The following PPP2R2C variants were observed in gnomAD, a reference collection of about 807,000 sequenced individuals.
PPP2R2C encodes protein phosphatase 2 regulatory subunit Bgamma.
Under a neutral mutation model 45.3 loss-of-function variants are expected in PPP2R2C, and 10 were observed. The ratio of observed to expected loss-of-function variants is 0.22; its 90% CI spans 0.14 to 0.37. The LOEUF is 0.37. Ranked by LOEUF, PPP2R2C falls within the 10% of genes least tolerant of loss-of-function variation. The probability of loss-of-function intolerance (pLI) is 1.00; values close to 1 mark genes in which losing one functional copy is unlikely to be tolerated. For synonymous variants in PPP2R2C, 257 were observed against 245.4 expected (o/e 1.05, Z -0.44); for missense variants, 308 against 619.7 (o/e 0.50, Z 5.34).
intron 1 of PPP2R2C, among the ~76,000 whole-genome samples, chr4:6,429,524 C>T (rs982867013): frequency 6.6e-6 from 1 of 152,124 alleles, no homozygotes; most frequent in Non-Finnish European, 1.5e-5. Flanking sequence ...TGAATGTCAA[C>T]AGTATGGGTT....
chr4:6,556,501 C>T (rs1363379914), intron 1 of PPP2R2C, among the ~76,000 whole-genome samples: 2 of 152,206 alleles, frequency 1.3e-5, no homozygotes, highest in Non-Finnish European at 2.9e-5. Flanking sequence ...GAGCCAATTC[C>T]GTGTGCGTGT....
chr4:6,342,142 A>C (rs935147953), intron 6 of PPP2R2C, among the ~76,000 whole-genome samples: 1 of 151,848 alleles, frequency 6.6e-6, no homozygotes, highest in Non-Finnish European at 1.5e-5. Context: ...ATATATATAC[A>C]TACATATATA....
chr4:6,488,267 G>A (rs548772588), intron 2 of PPP2R2C, among the ~76,000 whole-genome samples: 1 of 152,286 alleles, frequency 6.6e-6, no homozygotes, highest in South Asian at 2.1e-4. Context: ...TTCATTGCAT[G>A]GCTAGTAATT....
intron 1 of PPP2R2C, among the ~76,000 whole-genome samples, chr4:6,552,338 T>C (rs1725210708): frequency 6.6e-6 from 1 of 152,114 alleles, no homozygotes; most frequent in East Asian, 1.9e-4. Context: ...AAAGTCAAGG[T>C]GTGGGCAGGG....
At chr4:6,382,260 G>A in intron 1 of PPP2R2C, 1 of 1,235,340 alleles carries the variant, frequency 8.1e-7, no homozygotes, top group Non-Finnish European at 1.0e-6. Context: ...GCTGTGAATG[G>A]GACCTCTGTC....
intron 2 of PPP2R2C, among the ~76,000 whole-genome samples, chr4:6,519,781 C>G (rs1278160089): frequency 2.6e-5 from 4 of 152,150 alleles, no homozygotes; most frequent in African/African-American, 9.7e-5. Context: ...TGCCAGCAAC[C>G]AAGCCCCTCA....
chr4:6,514,814 C>A (rs1386054151), intron 2 of PPP2R2C, among the ~76,000 whole-genome samples: 1 of 152,212 alleles, frequency 6.6e-6, no homozygotes, highest in East Asian at 1.9e-4. Context: ...GTCAGCAGGG[C>A]CATGCCTTCT....
At chr4:6,517,642 G>A (rs140133570) in intron 2 of PPP2R2C, among the ~76,000 whole-genome samples, 536 of 152,244 alleles carry the variant, frequency 3.5e-3, no homozygotes, top group Non-Finnish European at 4.6e-3. Flanking sequence ...ATTACCCTGC[G>A]GCTCTTTGGG....
chr4:6,433,205 G>T (rs563018992), intron 1 of PPP2R2C, among the ~76,000 whole-genome samples: 2 of 152,226 alleles, frequency 1.3e-5, no homozygotes, highest in African/African-American at 4.8e-5. Context: ...CCCCAACCCC[G>T]TGTTGTTCGA....
intron 1 of PPP2R2C, among the ~76,000 whole-genome samples, chr4:6,554,705 C>T (rs1056786757): frequency 1.3e-5 from 2 of 151,556 alleles, no homozygotes; most frequent in Admixed American, 1.3e-4. Context: ...ACTAAAAATA[C>T]AAAAATCAGC....
chr4:6,407,453 T>G (rs56333666), intron 1 of PPP2R2C, among the ~76,000 whole-genome samples: 40,481 of 152,216 alleles, frequency 0.27, 5,929 homozygotes, highest in East Asian at 0.68. Context: ...TGGAGTGCGG[T>G]GGCACGATCT....
chr4:6,401,597 C>T (rs566937638), intron 1 of PPP2R2C, among the ~76,000 whole-genome samples: 2 of 152,244 alleles, frequency 1.3e-5, no homozygotes, highest in Admixed American at 6.5e-5. Flanking sequence ...TCTGGAGCAT[C>T]CCGGTCTGAG....
At chr4:6,535,227 A>C (rs986067432) in intron 2 of PPP2R2C, 33 of 1,531,802 alleles carry the variant, frequency 2.2e-5, no homozygotes, top group Non-Finnish European at 2.6e-5. Flanking sequence ...CACGTCCCCA[A>C]GCTCACCGGC....
At chr4:6,509,575 C>A (rs956021034) in intron 2 of PPP2R2C, among the ~76,000 whole-genome samples, 9 of 152,090 alleles carry the variant, frequency 5.9e-5, no homozygotes, top group Admixed American at 3.9e-4. Context: ...ACTAATCTAC[C>A]CTTACCACGA....
At chr4:6,418,030 T>C (rs1303420600) in intron 1 of PPP2R2C, among the ~76,000 whole-genome samples, 1 of 152,082 alleles carries the variant, frequency 6.6e-6, no homozygotes, top group Non-Finnish European at 1.5e-5. Flanking sequence ...GAGAACTGGG[T>C]TGGGGTCCTC....
intron 1 of PPP2R2C, among the ~76,000 whole-genome samples, chr4:6,426,471 G>A (rs1013480827): frequency 6.6e-6 from 1 of 152,190 alleles, no homozygotes; most frequent in Non-Finnish European, 1.5e-5. Flanking sequence ...GACTGACCAG[G>A]AGAGACAGAG....
At position 6,461,938 on chromosome 4, in the gene PPP2R2C, T is replaced by G. The variant is rs142085700; in HGVS notation, c.70+10222A>C. 3.8e-4 allele frequency among the ~76,000 whole-genome samples: 58 copies of G among 152,294 alleles called. No individual in the cohort carries two copies. The East Asian group carries it at 0.01, about 27-fold the overall frequency. ...ACAGGCACCAGGCCCACGGAGCACG[T>G]GGCATGCACCATCTCATTCAACACC... is the stretch of plus-strand genomic sequence containing the variant. On this transcript the variant is annotated intron_variant, in intron 1 of 8. Transcript: ENST00000382599.
chr4:6,427,886 G>A (rs1396305170), intron 1 of PPP2R2C, among the ~76,000 whole-genome samples: 2 of 152,182 alleles, frequency 1.3e-5, no homozygotes, highest in South Asian at 2.1e-4. Context: ...GCAGGACTCT[G>A]GGAAAGAGGC....
At chr4:6,363,132 C>A (rs1176802643) in intron 5 of PPP2R2C, among the ~76,000 whole-genome samples, 1 of 152,134 alleles carries the variant, frequency 6.6e-6, no homozygotes, top group African/African-American at 2.4e-5. Context: ...AGCCATGGCA[C>A]GCAGGAAGCC....
Sources: gnomAD v4.1 joint callset for allele counts (sites outside exome capture counted in the v4.1 genomes callset) on GRCh38, gnomAD v4.1.1 for gene constraint, MANE v1.5 for transcripts, NCBI Gene and HGNC (gene_info 2026-07-23, HGNC 2026-07-21) for gene names.